DAPK1: variants seen among roughly 807,000 people sequenced by gnomAD.
DAPK1 encodes the protein death associated protein kinase 1.
DAPK1 carries 56 observed loss-of-function variants against 144.9 expected under a neutral mutation model. The ratio of observed to expected loss-of-function variants is 0.39; its 90% CI spans 0.31 to 0.48. DAPK1 has a LOEUF of 0.48. Ranked by LOEUF, DAPK1 falls within the 20% of genes least tolerant of loss-of-function variation. The probability of loss-of-function intolerance (pLI) is 0.95; values close to 1 mark genes in which losing one functional copy is unlikely to be tolerated. For missense variants in DAPK1, 1,454 were observed against 1,875.4 expected (o/e 0.78, Z 4.15); for synonymous variants, 690 against 749.0 (o/e 0.92, Z 1.29).
chr9:87,615,928 C>T (rs1161271511), intron 3 of DAPK1, among the ~76,000 whole-genome samples: 1 of 152,260 alleles, frequency 6.6e-6, no homozygotes, highest in Non-Finnish European at 1.5e-5. Context: ...TGCTAAGCCA[C>T]TGTAGGATTT....
intron 2 of DAPK1, among the ~76,000 whole-genome samples, chr9:87,585,080 T>C (rs1297353082): frequency 6.6e-6 from 1 of 152,250 alleles, no homozygotes; most frequent in Non-Finnish European, 1.5e-5. Context: ...ATATTTTGAC[T>C]GTTCACTCAT....
chr9:87,706,122 C>T lies in DAPK1; in HGVS notation c.3061-10C>T, dbSNP rs780606770. 2 of 1,570,338 alleles carry T rather than the reference C, an allele frequency of 1.3e-6. No homozygotes were observed. The highest frequency in any genetic ancestry group is 1.7e-6 in the Non-Finnish European group (2 of 1,150,902). On this transcript the variant is annotated splice_polypyrimidine_tract_variant and intron_variant, in intron 25 of 25. Transcript: ENST00000408954. The surrounding 1 kb of genome is among the most constrained non-coding windows in gnomAD (Gnocchi z 9.0). ...GTCCCTAAGCGTGACTTTCTGTTGT[C>T]CCCCCGCAGATCAACATCATGCAAA...
rs17053276 is a variant in DAPK1, at chr9:87,646,538, G to A, written c.1209G>A (p.Ser403=). 3.2e-3 allele frequency: 5,077 copies of A among 1,611,578 alleles called. 128 individuals are homozygous for A. In the African/African-American group the frequency reaches 0.056, roughly 18 times the overall value. ...TACAGTTGCTCATTAAAAGAGGCTC[G>A]AGAATCGATGTCCAGGATAAGGTCA... The part of the protein sequence containing the change: ...QILQLLIKRG[S]RIDVQDKGGS... Residue 403 remains serine, a synonymous_variant, in exon 13 of 26, where the codon TCG becomes TCA. Coordinates refer to ENST00000408954, the MANE Select transcript of DAPK1 (RefSeq NM_004938.4).
At chr9:87,660,082 C>T (rs891312181) in intron 18 of DAPK1, among the ~76,000 whole-genome samples, 4 of 152,184 alleles carry the variant, frequency 2.6e-5, no homozygotes, top group Non-Finnish European at 5.9e-5. Flanking sequence ...CCGTCCTCAG[C>T]CGGACAGAGT....
chr9:87,646,836 A>G (rs972311760), intron 13 of DAPK1, among the ~76,000 whole-genome samples: 3 of 152,172 alleles, frequency 2.0e-5, no homozygotes, highest in African/African-American at 7.2e-5. Context: ...TTTACTCAAC[A>G]ATGTTAGATG....
Position 87,572,039 on chromosome 9 carries a change from G to A in DAPK1, c.63-32915G>A, listed in dbSNP as rs989269724. ...TGGGGAGGATTCTGTCATGCCAAGG[G>A]CTGGGAATAAAAAAGTCACAAATAG... On this transcript the variant is annotated intron_variant, in intron 2 of 25. Coordinates refer to ENST00000408954, the MANE Select transcript of DAPK1 (RefSeq NM_004938.4). 6.6e-5 allele frequency among the ~76,000 whole-genome samples: 10 copies of A among 152,300 alleles called. No homozygotes were observed. In the South Asian group the frequency reaches 1.9e-3, roughly 28 times the overall value.
intron 2 of DAPK1, among the ~76,000 whole-genome samples, chr9:87,527,019 A>G (rs936427623): frequency 2.0e-5 from 3 of 152,222 alleles, no homozygotes; most frequent in African/African-American, 7.2e-5. Context: ...CCAGTTGCCC[A>G]GGGCCTTTGA....
intron 11 of DAPK1, among the ~76,000 whole-genome samples, chr9:87,645,646 A>G (rs900532378): frequency 2.6e-5 from 4 of 152,174 alleles, no homozygotes; most frequent in Non-Finnish European, 4.4e-5. Context: ...GATCTTGGAC[A>G]TTGTGTCTCT....
chr9:87,523,949 C>T (rs980330281), intron 2 of DAPK1, among the ~76,000 whole-genome samples: 3 of 152,294 alleles, frequency 2.0e-5, no homozygotes, highest in South Asian at 4.1e-4. Context: ...ACAAGCCTTA[C>T]GGTGTTTATG....
At chr9:87,640,259 T>C (rs1255127138) in intron 7 of DAPK1, 39 bp from the exon 8 acceptor site, 2 of 1,589,226 alleles carry the variant, frequency 1.3e-6, no homozygotes, top group Non-Finnish European at 1.7e-6. Context: ...CACCAAGGGG[T>C]CATCATTAAT....
intron 2 of DAPK1, among the ~76,000 whole-genome samples, chr9:87,508,384 C>G (rs1000118214): frequency 2.0e-5 from 3 of 151,158 alleles, no homozygotes; most frequent in Non-Finnish European, 4.4e-5. Context: ...GCTTTGTCGC[C>G]CAGGCTGGAG....
chr9:87,574,555 T>A (rs1827472853), intron 2 of DAPK1, among the ~76,000 whole-genome samples: 1 of 152,192 alleles, frequency 6.6e-6, no homozygotes, highest in Admixed American at 6.5e-5. Flanking sequence ...CATGGCTTAA[T>A]AATTTAATTA....
At chr9:87,502,673 A>G (rs1824449601) in intron 2 of DAPK1, among the ~76,000 whole-genome samples, 1 of 152,148 alleles carries the variant, frequency 6.6e-6, no homozygotes, top group Admixed American at 6.5e-5. Flanking sequence ...TACTTCCTTA[A>G]TGAATCCTTC....
At chr9:87,521,354 C>T (rs1825291738) in intron 2 of DAPK1, among the ~76,000 whole-genome samples, 1 of 152,228 alleles carries the variant, frequency 6.6e-6, no homozygotes. Context: ...CTGTCTTATT[C>T]AGTCTTTAGC....
At chr9:87,611,558 G>C (rs1342421409) in intron 3 of DAPK1, among the ~76,000 whole-genome samples, 1 of 152,118 alleles carries the variant, frequency 6.6e-6, no homozygotes, top group African/African-American at 2.4e-5. Flanking sequence ...TCCCGGGCTC[G>C]AGTGATTCTC....
chr9:87,571,508 C>CCCCA (rs1159372488), intron 2 of DAPK1, among the ~76,000 whole-genome samples: 1 of 146,558 alleles, frequency 6.8e-6, no homozygotes, highest in Non-Finnish European at 1.5e-5. Flanking sequence ...AACACACACA[C>CCCCA]ACACACACAC....
At position 87,707,046 on chromosome 9, in the gene DAPK1, G is replaced by A; in HGVS notation, c.3975G>A (p.Lys1325=). The part of the protein sequence containing the change: ...RLLDPPDPLG[K]DWCLLAMNLG... ...TGGACCCGCCCGACCCCCTGGGGAAGGACTGGTGCCTTCTCGCCATGAACT... is the reference window on the plus strand; with the variant it reads ...TGGACCCGCCCGACCCCCTGGGGAAAGACTGGTGCCTTCTCGCCATGAACT... Residue 1325 remains lysine (K), a synonymous_variant, in exon 26 of 26, where the codon AAG becomes AAA. Transcript: ENST00000408954. The surrounding 1 kb of genome is among the most constrained non-coding windows in gnomAD (Gnocchi z 4.0). The A allele has an allele frequency of 6.2e-7, 1 of 1,613,840 alleles. No individual in the cohort carries two copies. Among genetic ancestry groups the A allele is most frequent in the Non-Finnish European group, 8.5e-7 (1 of 1,179,876 alleles).
chr9:87,624,994 G>T (rs2119061129), intron 3 of DAPK1, among the ~76,000 whole-genome samples: 1 of 152,326 alleles, frequency 6.6e-6, no homozygotes, highest in Admixed American at 6.5e-5. Flanking sequence ...ACTACAGCCG[G>T]TGGTCCCGAG....
chr9:87,630,748 G>T (rs1829655047), intron 3 of DAPK1, among the ~76,000 whole-genome samples: 1 of 152,168 alleles, frequency 6.6e-6, no homozygotes, highest in Non-Finnish European at 1.5e-5. Flanking sequence ...CAGATCGGAG[G>T]ATCTTAAAAT....
Sources: gnomAD v4.1 joint callset for allele counts (sites outside exome capture counted in the v4.1 genomes callset) on GRCh38, gnomAD v4.1.1 for gene constraint, Gnocchi (gnomAD v3.1) non-coding constraint, MANE v1.5 for transcripts, NCBI Gene and HGNC (gene_info 2026-07-23, HGNC 2026-07-21) for gene names.